Variants in CYTIP observed in about 807,000 individuals in gnomAD.
CYTIP encodes the protein cytohesin-interacting protein.
A neutral mutation model predicts 43.8 loss-of-function variants in CYTIP; 26 were observed. The observed-to-expected ratio is 0.59, with a 90% CI of 0.44 to 0.82. The LOEUF is 0.82. Ranked by LOEUF, CYTIP falls within the 40% of genes least tolerant of loss-of-function variation. The pLI is 0.00. For missense variants in CYTIP, 426 were observed against 443.1 expected, an observed-to-expected ratio of 0.96 and a Z score of 0.35; for synonymous variants, 162 against 162.9, an observed-to-expected ratio of 0.99 and a Z score of 0.04.
At chr2:157,440,983 C>T (rs966505069) in intron 1 of CYTIP, among the ~76,000 whole-genome samples, 1 of 151,760 alleles carries the variant, frequency 6.6e-6, no homozygotes, top group Non-Finnish European at 1.5e-5. Flanking sequence ...AGAAGCCATA[C>T]TGGGGTGTCT....
chr2:157,431,337 G>A (rs767388029), intron 3 of CYTIP, among the ~76,000 whole-genome samples: 3 of 152,226 alleles, frequency 2.0e-5, no homozygotes, highest in Non-Finnish European at 4.4e-5. Flanking sequence ...GTTCTCCCAA[G>A]CTAAAACACT....
rs778930005 is a variant in CYTIP at position 157,430,928 on chromosome 2, G to C, written c.314C>G (p.Ser105Trp). ...YRPQNQNACS[S>W]EMFTLICKIQ... ...TTTGCATATCAAAGTGAACATTTCC[G>C]AGGAGCAGGCATTCTGATTCTGGGG... Residue 105 changes from serine (S) to tryptophan (W), a missense_variant, in exon 4 of 8, where the codon TCG becomes TGG. By Grantham distance (177) the Ser-to-Trp change is radical (BLOSUM62 -3). Transcript: ENST00000264192. 7 of 1,613,816 alleles carry C rather than the reference G, an allele frequency of 4.3e-6. No homozygotes were observed. In the South Asian group the frequency reaches 7.7e-5, roughly 18 times the overall value.
chr2:157,416,881 C>T (rs1685446691), intron 7 of CYTIP, among the ~76,000 whole-genome samples: 1 of 152,072 alleles, frequency 6.6e-6, no homozygotes, highest in Admixed American at 6.6e-5. Flanking sequence ...TAACAACGTA[C>T]ATCTGGCTCT....
intron 5 of CYTIP, among the ~76,000 whole-genome samples, chr2:157,428,104 C>T (rs2105138709): frequency 6.6e-6 from 1 of 152,316 alleles, no homozygotes; most frequent in Non-Finnish European, 1.5e-5. Flanking sequence ...TCCCACACCA[C>T]ACACATTTCT....
intron 1 of CYTIP, among the ~76,000 whole-genome samples, chr2:157,442,324 G>A (rs895204032): frequency 2.0e-5 from 3 of 152,106 alleles, no homozygotes; most frequent in East Asian, 1.9e-4. Flanking sequence ...TTAGCATGAT[G>A]TCTGTCTCCT....
intron 6 of CYTIP, among the ~76,000 whole-genome samples, chr2:157,419,106 C>T (rs1293508580): frequency 2.0e-5 from 3 of 152,182 alleles, no homozygotes; most frequent in Non-Finnish European, 4.4e-5. Flanking sequence ...TCAAGCAATT[C>T]TTCTGCCTCA....
Position 157,430,450 on chromosome 2 carries a change from G to A in CYTIP, c.476+109C>T, listed in dbSNP as rs144643138. ...CCCCACTCTAAAGCTCCGGTGCACT[G>A]CCTCACTCCGTCTTGTAATGCTGAA... On this transcript the variant is annotated intron_variant, in intron 5 of 7. Transcript: ENST00000264192. The A allele has an allele frequency of 8.2e-5, 74 of 905,838 alleles. No individual in the cohort carries two copies. The East Asian group carries it at 1.7e-3, about 21-fold the overall frequency. 56.1% of individuals were successfully genotyped at this position (905,838 alleles called of 1,614,324 possible). A position where few individuals can be genotyped will look rare whatever the true frequency, so the allele number is the denominator to read the frequency against.
intron 1 of CYTIP, among the ~76,000 whole-genome samples, chr2:157,439,624 T>C (rs1048856531): frequency 6.6e-5 from 10 of 152,200 alleles, no homozygotes; most frequent in African/African-American, 2.2e-4. Flanking sequence ...TGGTGTGCAA[T>C]TCACAGCATA....
chr2:157,421,073 A>T (rs1036851640), intron 6 of CYTIP, among the ~76,000 whole-genome samples: 5 of 152,222 alleles, frequency 3.3e-5, no homozygotes, highest in African/African-American at 1.2e-4. Context: ...TAAAGAGCAG[A>T]TGTGTCAAAG....
intron 6 of CYTIP, among the ~76,000 whole-genome samples, chr2:157,426,018 A>G (rs1031985377): frequency 2.0e-5 from 3 of 151,970 alleles, no homozygotes; most frequent in Non-Finnish European, 4.4e-5. Context: ...CTATATAGAA[A>G]ATATAAGGAA....
At chr2:157,441,991 G>A (rs116341442) in intron 1 of CYTIP, among the ~76,000 whole-genome samples, 42 of 152,192 alleles carry the variant, frequency 2.8e-4, no homozygotes, top group African/African-American at 8.7e-4. Context: ...GCAGCCCAGC[G>A]CTGAGATCTC....
At position 157,427,436 on chromosome 2, in the gene CYTIP, A is replaced by G; in HGVS notation, c.477-16T>C. 1 of 1,574,604 alleles carries G rather than the reference A, an allele frequency of 6.4e-7. No homozygotes were observed. The highest frequency in any genetic ancestry group is 1.2e-5 in the South Asian group (1 of 85,350). On this transcript the variant is annotated splice_polypyrimidine_tract_variant and intron_variant, in intron 5 of 7. Transcript: ENST00000264192. ...AGTCTCTATCCTGTTTTAAGGAAAAAAAAAAGAAGAGGAAGGTGGGGAGTG... is the reference window on the plus strand; with the variant it reads ...AGTCTCTATCCTGTTTTAAGGAAAAGAAAAAGAAGAGGAAGGTGGGGAGTG...
In CYTIP at chr2:157,429,628, G is replaced by A. The variant is rs977444674; in HGVS notation, c.476+931C>T. On this transcript the variant is annotated intron_variant, in intron 5 of 7. Transcript: ENST00000264192. ...ATAAATATGATTTTAATGAATGAGC[G>A]AATTTCATCATTTAACTATCCTAAT... Among the ~76,000 whole-genome samples the A allele has an allele frequency of 7.9e-5, 12 of 152,104 alleles. No individual in the cohort carries two copies. In the South Asian group the frequency reaches 1.7e-3, roughly 21 times the overall value.
At chr2:157,429,184 A>G (rs1211782755) in intron 5 of CYTIP, among the ~76,000 whole-genome samples, 1 of 152,150 alleles carries the variant, frequency 6.6e-6, no homozygotes, top group Non-Finnish European at 1.5e-5. Context: ...CTCTGGCTTC[A>G]TTTCTTATTA....
intron 1 of CYTIP, among the ~76,000 whole-genome samples, chr2:157,440,010 T>C (rs1685877758): frequency 6.6e-6 from 1 of 152,210 alleles, no homozygotes. Flanking sequence ...TTCAACACTT[T>C]AGCCACTTCT....
At chr2:157,442,923 G>A (rs992920525) in intron 1 of CYTIP, among the ~76,000 whole-genome samples, 29 of 151,956 alleles carry the variant, frequency 1.9e-4, no homozygotes, top group African/African-American at 4.1e-4. Context: ...ATGCTACATC[G>A]AAATTCAAAT....
chr2:157,416,903 T>C (rs1685446832), intron 7 of CYTIP, among the ~76,000 whole-genome samples: 1 of 152,142 alleles, frequency 6.6e-6, no homozygotes, highest in Non-Finnish European at 1.5e-5. Flanking sequence ...CAAACTCTAA[T>C]GTTAATCACA....
chr2:157,432,629 C>T (rs974087070), intron 3 of CYTIP, among the ~76,000 whole-genome samples: 1 of 152,106 alleles, frequency 6.6e-6, no homozygotes, highest in Non-Finnish European at 1.5e-5. Flanking sequence ...TTGGGCTGCA[C>T]GATTCTGATA....
At chr2:157,440,046 G>A (rs1685879369) in intron 1 of CYTIP, among the ~76,000 whole-genome samples, 1 of 152,112 alleles carries the variant, frequency 6.6e-6, no homozygotes, top group Non-Finnish European at 1.5e-5. Flanking sequence ...CTTCCTCCTG[G>A]TCCCCACTCT....
Sources: gnomAD v4.1 joint callset for allele counts (sites outside exome capture counted in the v4.1 genomes callset) on GRCh38, gnomAD v4.1.1 for gene constraint, MANE v1.5 for transcripts, NCBI Gene and HGNC (gene_info 2026-07-23, HGNC 2026-07-21) for gene names.